Variants in BCL11A observed in about 807,000 individuals in gnomAD.
BCL11A encodes the protein BCL11 transcription factor A.
Under a neutral mutation model 55.9 loss-of-function variants are expected in BCL11A, and 2 were observed. The observed-to-expected ratio is 0.04, with a 90% CI of 0.01 to 0.11. The LOEUF is 0.11. Among genes scored for constraint, BCL11A ranks in the 10% least tolerant of loss-of-function variants. BCL11A has a pLI of 1.00. For synonymous variants in BCL11A, 465 were observed against 473.4 expected (o/e 0.98, Z 0.23); for missense variants, 817 against 1,137.1 (o/e 0.72, Z 4.05).
intron 3 of BCL11A, among the ~76,000 whole-genome samples, chr2:60,463,879 C>T (rs952942471): frequency 1.3e-5 from 2 of 150,552 alleles, no homozygotes; most frequent in Admixed American, 1.3e-4. Flanking sequence ...TGCAAGAGTT[C>T]TTTAAGGCCA....
intron 2 of BCL11A, among the ~76,000 whole-genome samples, chr2:60,532,034 C>T (rs1462144658): frequency 6.6e-6 from 1 of 152,190 alleles, no homozygotes; most frequent in Non-Finnish European, 1.5e-5. Flanking sequence ...CCTGTCTCCA[C>T]AACACTCAGC....
At chr2:60,498,780 C>A (rs566083724) in intron 2 of BCL11A, among the ~76,000 whole-genome samples, 1 of 152,304 alleles carries the variant, frequency 6.6e-6, no homozygotes, top group South Asian at 2.1e-4. Context: ...ACTGCCAGTT[C>A]TCTGAGGAGC....
chr2:60,521,477 C>T (rs77731896), intron 2 of BCL11A, among the ~76,000 whole-genome samples: 4,019 of 152,304 alleles, frequency 0.026, 69 homozygotes, highest in Non-Finnish European at 0.043. Flanking sequence ...ACGGGCTGCA[C>T]GAAGCCCACC....
downstream of BCL11A, chr2:60,450,564 A>C (rs1230647202): frequency 6.6e-6 from 1 of 152,250 alleles, no homozygotes. Context: ...AGGCATCAGC[A>C]AGGAGTTCAG....
intron 2 of BCL11A, among the ~76,000 whole-genome samples, chr2:60,509,679 G>C (rs191237666): frequency 5.0e-4 from 76 of 152,270 alleles, no homozygotes; most frequent in African/African-American, 1.6e-3. Flanking sequence ...AAAAGATTAG[G>C]AGGAGGAGAA....
chr2:60,530,813 C>T (rs1429360526), intron 2 of BCL11A, among the ~76,000 whole-genome samples: 1 of 152,166 alleles, frequency 6.6e-6, no homozygotes, highest in Non-Finnish European at 1.5e-5. Flanking sequence ...GGGCCTGCAC[C>T]TCCCCCACCT....
At chr2:60,510,729 A>T (rs1178995398) in intron 2 of BCL11A, among the ~76,000 whole-genome samples, 2 of 152,210 alleles carry the variant, frequency 1.3e-5, no homozygotes, top group Non-Finnish European at 2.9e-5. Flanking sequence ...AACCTTCACA[A>T]TTCCAAACTG....
At chr2:60,505,539 T>A (rs1679539404) in intron 2 of BCL11A, among the ~76,000 whole-genome samples, 1 of 152,178 alleles carries the variant, frequency 6.6e-6, no homozygotes, top group Admixed American at 6.5e-5. Flanking sequence ...CCAGCCCTCT[T>A]TTACCTTCTT....
In BCL11A at chr2:60,457,603, A is replaced by C; in HGVS notation, c.*2801T>G. On this transcript the variant is annotated 3_prime_UTR_variant, in exon 4 of 4. Coordinates refer to ENST00000642384, the MANE Select transcript of BCL11A (RefSeq NM_022893.4). ...TCTCTTTAATATGCTTTGCATATGA[A>C]ATTCTTTCCAATCTAAATATAAAGC... 9.6e-7 allele frequency: 1 copy of C among 1,045,510 alleles called. No homozygotes were observed. Among genetic ancestry groups the C allele is most frequent in the South Asian group, 4.6e-5 (1 of 21,804 alleles). 64.8% of individuals were successfully genotyped at this position (1,045,510 alleles called of 1,614,324 possible). A position where few individuals can be genotyped will look rare whatever the true frequency, so the allele number is the denominator to read the frequency against.
chr2:60,451,622 G>T, exon 5 of BCL11A: 1 of 230,824 alleles, frequency 4.3e-6, no homozygotes, highest in East Asian at 6.2e-5. Flanking sequence ...TTTTATGTTT[G>T]TTTGTCTGCA....
intron 2 of BCL11A, among the ~76,000 whole-genome samples, chr2:60,483,596 T>C (rs1369015314): frequency 6.6e-6 from 1 of 152,340 alleles, no homozygotes; most frequent in Non-Finnish European, 1.5e-5. Flanking sequence ...CCCTGTGGAA[T>C]GCTGCAGTTG....
chr2:60,475,369 C>A (rs994793875), intron 2 of BCL11A, among the ~76,000 whole-genome samples: 38 of 152,158 alleles, frequency 2.5e-4, no homozygotes, highest in Admixed American at 1.3e-4. Flanking sequence ...TTGTTTCTTC[C>A]CCCAATGAAT....
At chr2:60,455,245 T>C (rs1300120043), downstream of BCL11A, among the ~76,000 whole-genome samples, 2 of 152,190 alleles carry the variant, frequency 1.3e-5, no homozygotes, top group Non-Finnish European at 2.9e-5. Context: ...TTACAAAAAC[T>C]TACTTGAGGA....
chr2:60,521,665 T>C (rs992050148), intron 2 of BCL11A, among the ~76,000 whole-genome samples: 1 of 152,232 alleles, frequency 6.6e-6, no homozygotes, highest in African/African-American at 2.4e-5. Context: ...TGTCCCCTTC[T>C]TTCTGAGAGT....
chr2:60,453,777 G>A (rs1421161236), downstream of BCL11A, among the ~76,000 whole-genome samples: 1 of 152,184 alleles, frequency 6.6e-6, no homozygotes, highest in African/African-American at 2.4e-5. Context: ...AGGGGCTCCC[G>A]CTTTAGAGGA....
chr2:60,453,749 C>T (rs1675820303), downstream of BCL11A, among the ~76,000 whole-genome samples: 1 of 152,264 alleles, frequency 6.6e-6, no homozygotes, highest in Non-Finnish European at 1.5e-5. Context: ...TTTAAAAGCA[C>T]AGCCCCCCTA....
intron 2 of BCL11A, among the ~76,000 whole-genome samples, chr2:60,499,288 G>C (rs1010387361): frequency 4.6e-5 from 7 of 152,018 alleles, no homozygotes; most frequent in South Asian, 4.2e-4. Flanking sequence ...GGGGTGTGAC[G>C]CCCCTGCCCA....
At chr2:60,532,835 A>G (rs985961976) in intron 2 of BCL11A, 1 of 152,214 alleles carries the variant, frequency 6.6e-6, no homozygotes, top group African/African-American at 2.4e-5. Flanking sequence ...CTGAAAATAC[A>G]TTTTCAAAAG....
downstream of BCL11A, chr2:60,452,616 A>G: frequency 6.2e-7 from 1 of 1,613,976 alleles, no homozygotes; most frequent in Non-Finnish European, 8.5e-7. Flanking sequence ...GAAAACTGCC[A>G]CACATCTTGA....
Sources: gnomAD v4.1 joint callset for allele counts (sites outside exome capture counted in the v4.1 genomes callset) on GRCh38, gnomAD v4.1.1 for gene constraint, MANE v1.5 for transcripts, NCBI Gene and HGNC (gene_info 2026-07-23, HGNC 2026-07-21) for gene names.